The following NRXN1 variants were observed in gnomAD, a reference collection of about 807,000 sequenced individuals.
NRXN1 encodes the protein neurexin 1.
In NRXN1, 39 loss-of-function variants were observed where a neutral mutation model predicts 150.9. The observed-to-expected ratio is 0.26, with a 90% CI of 0.20 to 0.34. NRXN1 has a LOEUF of 0.34. NRXN1 is among the 10% of genes least tolerant of loss of function. NRXN1 has a pLI of 1.00. For missense variants in NRXN1, 1,815 were observed against 1,949.9 expected (o/e 0.93, Z 1.30); for synonymous variants, 924 against 757.0 (o/e 1.22, Z -3.62).
chr2:50,391,149 C>A (rs571264722), intron 17 of NRXN1, among the ~76,000 whole-genome samples: 1 of 151,514 alleles, frequency 6.6e-6, no homozygotes, highest in Non-Finnish European at 1.5e-5. Context: ...GGGAGTGAGG[C>A]AGGGCAGATG....
At chr2:50,527,995 T>C (rs2093001576) in intron 12 of NRXN1, among the ~76,000 whole-genome samples, 1 of 152,158 alleles carries the variant, frequency 6.6e-6, no homozygotes, top group South Asian at 2.1e-4. Context: ...CTTATATCCT[T>C]TCAGATTTTC....
chr2:50,944,399 T>TA (rs748897373), intron 2 of NRXN1, among the ~76,000 whole-genome samples: 126 of 152,216 alleles, frequency 8.3e-4, no homozygotes, highest in Non-Finnish European at 5.9e-4. Context: ...ACCCTATCTT[T>TA]AAAATGGAGA....
chr2:50,297,184 C>A (rs556640173), intron 17 of NRXN1, among the ~76,000 whole-genome samples: 1 of 152,126 alleles, frequency 6.6e-6, no homozygotes, highest in African/African-American at 2.4e-5. Context: ...CCACCGCACC[C>A]GGCTGGTTTG....
At chr2:50,219,936 T>TTATATAA (rs1559115131) in intron 18 of NRXN1, among the ~76,000 whole-genome samples, 7 of 93,780 alleles carry the variant, frequency 7.5e-5, no homozygotes, top group African/African-American at 3.5e-4. Flanking sequence ...ATTATATATA[T>TTATATAA]TATATATTAT....
intron 8 of NRXN1, among the ~76,000 whole-genome samples, chr2:50,568,900 AC>A (rs1335701277): frequency 6.6e-6 from 1 of 152,184 alleles, no homozygotes; most frequent in Non-Finnish European, 1.5e-5. Flanking sequence ...CTAAGTGTCC[AC>A]CAACAGACAA....
At chr2:50,059,723 T>A (rs994716196) in intron 19 of NRXN1, among the ~76,000 whole-genome samples, 1 of 152,134 alleles carries the variant, frequency 6.6e-6, no homozygotes, top group Non-Finnish European at 1.5e-5. Flanking sequence ...GTGTCTTGCA[T>A]CCTAGCTGTG....
At chr2:50,023,847 A>G (rs948556852) in intron 21 of NRXN1, 4 of 152,224 alleles carry the variant, frequency 2.6e-5, no homozygotes, top group African/African-American at 9.6e-5. Flanking sequence ...GCTTTCACGC[A>G]TAATTTTAAC....
Position 50,302,912 on chromosome 2 carries a change from G to GCCAT in NRXN1, c.3365-65946_3365-65943dup, listed in dbSNP as rs10540394. On this transcript the variant is annotated intron_variant, in intron 17 of 22. Transcript: ENST00000401669. ...TCATTTATTTGCCATAGTCTACCAG[G>GCCAT]CCATCCATCCATCCATCCATCCATC... is the stretch of plus-strand genomic sequence containing the variant. Among the ~76,000 whole-genome samples, 594 of 151,506 alleles carry GCCAT rather than the reference G, an allele frequency of 3.9e-3. 3 individuals are homozygous for GCCAT. The highest frequency in any genetic ancestry group is 0.014 in the African/African-American group (561 of 41,350).
chr2:50,188,690 T>C (rs1488023176), intron 18 of NRXN1, among the ~76,000 whole-genome samples: 1 of 150,776 alleles, frequency 6.6e-6, no homozygotes, highest in Non-Finnish European at 1.5e-5. Context: ...AAAAAAAACA[T>C]CAAAAAGTGG....
At chr2:50,209,572 C>T (rs1229045060) in intron 18 of NRXN1, among the ~76,000 whole-genome samples, 1 of 152,050 alleles carries the variant, frequency 6.6e-6, no homozygotes, top group Non-Finnish European at 1.5e-5. Context: ...GAAAATCTAC[C>T]ATATCCATGG....
chr2:50,124,151 C>A (rs780879186), intron 18 of NRXN1, among the ~76,000 whole-genome samples: 1 of 152,040 alleles, frequency 6.6e-6, no homozygotes, highest in Non-Finnish European at 1.5e-5. Context: ...CTCTAGAAGT[C>A]AAGTGAACAA....
Position 49,968,589 on chromosome 2 carries a change from T to G in NRXN1, c.4129-24798A>C, listed in dbSNP as rs576022856. 2.0e-5 allele frequency among the ~76,000 whole-genome samples: 3 copies of G among 152,202 alleles called. No individual in the cohort carries two copies. The South Asian group carries it at 6.2e-4, about 32-fold the overall frequency. On this transcript the variant is annotated intron_variant, in intron 21 of 22. Coordinates refer to ENST00000401669, the MANE Select transcript of NRXN1 (RefSeq NM_001330078.2). Reference sequence around the variant, plus strand: ...AAGCAGGTATTGATATTAAGGGATGTGTAGCCTACCTGATTTGACCTGATT... The same window carrying G: ...AAGCAGGTATTGATATTAAGGGATGGGTAGCCTACCTGATTTGACCTGATT...
rs1192598708 is a variant in NRXN1 at position 50,037,448 on chromosome 2, T to C, written c.4128+15823A>G. On this transcript the variant is annotated intron_variant, in intron 21 of 22. Coordinates refer to ENST00000401669, the MANE Select transcript of NRXN1 (RefSeq NM_001330078.2). ...TCTATTCCTTACTCCCTGGAATAAA[T>C]TGAAATAGGATAACAAGATAAAATT... Among the ~76,000 whole-genome samples the C allele has an allele frequency of 5.3e-5, 8 of 152,220 alleles. No individual in the cohort carries two copies. The East Asian group carries it at 1.5e-3, about 29-fold the overall frequency.
intron 22 of NRXN1, among the ~76,000 whole-genome samples, chr2:49,922,793 T>C (rs1668453024): frequency 6.6e-6 from 1 of 152,228 alleles, no homozygotes; most frequent in African/African-American, 2.4e-5. Context: ...TTTTAAAGTA[T>C]AACTTTAGTT....
intron 5 of NRXN1, among the ~76,000 whole-genome samples, chr2:50,675,146 C>T (rs1177499907): frequency 1.3e-5 from 2 of 152,102 alleles, no homozygotes; most frequent in African/African-American, 2.4e-5. Flanking sequence ...CAGATGCTGG[C>T]ATCATGCTTC....
chr2:50,033,531 A>C (rs1017930885), intron 21 of NRXN1, among the ~76,000 whole-genome samples: 3 of 152,142 alleles, frequency 2.0e-5, no homozygotes, highest in Non-Finnish European at 2.9e-5. Context: ...ACCCTGGAAG[A>C]CAACCTATGC....
chr2:50,340,875 C>T (rs1052329274), intron 17 of NRXN1, among the ~76,000 whole-genome samples: 1 of 152,078 alleles, frequency 6.6e-6, no homozygotes, highest in East Asian at 1.9e-4. Flanking sequence ...AATGAGTCAT[C>T]GAGGGCTGAC....
intron 22 of NRXN1, among the ~76,000 whole-genome samples, chr2:49,937,493 T>C (rs1430330172): frequency 1.3e-5 from 2 of 152,226 alleles, no homozygotes; most frequent in Admixed American, 1.3e-4. Flanking sequence ...TTTAACCATG[T>C]ACTACTTATT....
Position 50,878,393 on chromosome 2 carries a change from T to A in NRXN1, c.832+43476A>T, listed in dbSNP as rs535841114. Among the ~76,000 whole-genome samples, 9 of 151,984 alleles carry A rather than the reference T, an allele frequency of 5.9e-5. No homozygotes were observed. The East Asian group carries it at 1.2e-3, about 20-fold the overall frequency. On this transcript the variant is annotated intron_variant, in intron 5 of 22. Coordinates refer to ENST00000401669, the MANE Select transcript of NRXN1 (RefSeq NM_001330078.2). ...CTTTGGTATTTTGTCAGGCAGTTCT[T>A]TTGATCAATTGCTGAGCCTGACACC...
Sources: allele counts gnomAD v4.1 joint callset (sites outside exome capture counted in the v4.1 genomes callset), GRCh38; gene constraint gnomAD v4.1.1; transcripts MANE v1.5; gene names NCBI Gene and HGNC (gene_info 2026-07-23, HGNC 2026-07-21).